The following ABLIM1 variants were observed in gnomAD, a reference collection of about 807,000 sequenced individuals.
ABLIM1 encodes the protein actin binding LIM protein 1.
Under a neutral mutation model 107.0 loss-of-function variants are expected in ABLIM1, and 40 were observed. That is an observed-to-expected ratio of 0.37 (90% CI 0.29 to 0.49). The LOEUF is 0.49. Ranked by LOEUF, ABLIM1 falls within the 20% of genes least tolerant of loss-of-function variation. The pLI is 0.97. For missense variants in ABLIM1, 857 were observed against 1,008.5 expected (o/e 0.85, Z 2.04); for synonymous variants, 357 against 357.3 (o/e 1.00, Z 0.01).
chr10:114,469,083 C>A (rs1201332386), intron 10 of ABLIM1, among the ~76,000 whole-genome samples: 2 of 146,894 alleles, frequency 1.4e-5, no homozygotes, highest in Non-Finnish European at 1.5e-5. Flanking sequence ...AGAACCATGA[C>A]TAGATATGAT....
chr10:114,497,598 C>T (rs968344399), intron 6 of ABLIM1, among the ~76,000 whole-genome samples: 1 of 145,456 alleles, frequency 6.9e-6, no homozygotes, highest in African/African-American at 2.5e-5. Context: ...AGGAGAATGG[C>T]GCGAACCCGG....
chr10:114,755,246 G>A (rs1233763173), intron 1 of ABLIM1, among the ~76,000 whole-genome samples: 1 of 152,150 alleles, frequency 6.6e-6, no homozygotes, highest in East Asian at 1.9e-4. Flanking sequence ...GGCTCCCTAT[G>A]AACATCTAAT....
At position 114,472,960 on chromosome 10, in the gene ABLIM1, C is replaced by G. The variant is rs375463555; in HGVS notation, c.1275+17G>C. 1 of 1,539,124 alleles carries G rather than the reference C, an allele frequency of 6.5e-7. No homozygotes were observed. Among genetic ancestry groups the G allele is most frequent in the African/African-American group, 1.4e-5 (1 of 72,296 alleles). ...GGTAAATTGTTGTACAACTCACAAC[C>G]AGTAGGAATGTATTACCTCTCCAAG... is the stretch of plus-strand genomic sequence containing the variant. On this transcript the variant is annotated intron_variant, in intron 10 of 22. Transcript: ENST00000533213.
chr10:114,439,851 G>C, intron 20 of ABLIM1: 1 of 618,470 alleles, frequency 1.6e-6, no homozygotes, highest in Admixed American at 3.0e-5. Context: ...CAAAGCAAGA[G>C]AGACCCCCTA....
intron 1 of ABLIM1, among the ~76,000 whole-genome samples, chr10:114,647,250 C>T (rs1339272697): frequency 6.6e-6 from 1 of 151,262 alleles, no homozygotes; most frequent in Non-Finnish European, 1.5e-5. Flanking sequence ...CCGCCTGCCT[C>T]GGCCTCCCAA....
At chr10:114,600,788 C>G (rs191363940) in intron 2 of ABLIM1, among the ~76,000 whole-genome samples, 1 of 152,106 alleles carries the variant, frequency 6.6e-6, no homozygotes, top group African/African-American at 2.4e-5. Flanking sequence ...TCTTGAGCTA[C>G]CCAGACATGC....
At position 114,625,646 on chromosome 10, in the gene ABLIM1, G is replaced by C. The variant is rs539863784; in HGVS notation, c.245-23685C>G. Reference sequence around the variant, plus strand: ...AGATCTTTGATAAATACATAAAAGGGGGGGGTACAGTATGTCTCACAAGGC... The same window carrying C: ...AGATCTTTGATAAATACATAAAAGGCGGGGGTACAGTATGTCTCACAAGGC... On this transcript the variant is annotated intron_variant, in intron 1 of 22. Transcript: ENST00000533213. Among the ~76,000 whole-genome samples the C allele has an allele frequency of 9.2e-5, 14 of 152,280 alleles. No homozygotes were observed. The Middle Eastern group carries it at 0.01, about 111-fold the overall frequency.
intron 1 of ABLIM1, among the ~76,000 whole-genome samples, chr10:114,614,173 C>T (rs1019625507): frequency 1.3e-5 from 2 of 152,034 alleles, no homozygotes; most frequent in Non-Finnish European, 2.9e-5. Flanking sequence ...GAAAGTAGGC[C>T]GGGTGCGGTG....
At chr10:114,704,273 T>TCTCTCG (rs1555225984) in intron 1 of ABLIM1, among the ~76,000 whole-genome samples, 2 of 22,008 alleles carry the variant, frequency 9.1e-5, no homozygotes, top group African/African-American at 2.4e-4. Flanking sequence ...TCTCTCTCGC[T>TCTCTCG]CTCTCTCTCT....
At chr10:114,683,713 C>T (rs907914494) in intron 1 of ABLIM1, among the ~76,000 whole-genome samples, 2 of 152,130 alleles carry the variant, frequency 1.3e-5, no homozygotes, top group African/African-American at 2.4e-5. Flanking sequence ...AGCAACCGAT[C>T]GCCACAGTCC....
At chr10:114,761,116 C>A (rs1363185324) in intron 1 of ABLIM1, among the ~76,000 whole-genome samples, 1 of 152,026 alleles carries the variant, frequency 6.6e-6, no homozygotes, top group East Asian at 1.9e-4. Context: ...ATGAAAGAAA[C>A]CGATAAAGCT....
At chr10:114,559,952 G>A (rs988311404) in intron 4 of ABLIM1, among the ~76,000 whole-genome samples, 4 of 152,170 alleles carry the variant, frequency 2.6e-5, no homozygotes, top group Non-Finnish European at 5.9e-5. Flanking sequence ...AAACAAGAGA[G>A]GAAGAAAGGC....
chr10:114,569,694 G>C (rs2071361306), intron 4 of ABLIM1, among the ~76,000 whole-genome samples: 1 of 152,158 alleles, frequency 6.6e-6, no homozygotes, highest in Non-Finnish European at 1.5e-5. Flanking sequence ...ATTCCCACTG[G>C]AGGTTACCTT....
chr10:114,604,025 C>T lies in ABLIM1; in HGVS notation c.245-2064G>A, dbSNP rs576381678. The stretch of plus-strand genomic sequence containing the variant: ...GTCCTTGTGTTTTTTAAGTTAATTC[C>T]TGCTTCTTATAAGAAAGAAGACAAG... On this transcript the variant is annotated intron_variant, in intron 1 of 22. Transcript: ENST00000533213. 4.0e-5 allele frequency among the ~76,000 whole-genome samples: 6 copies of T among 151,774 alleles called. No individual in the cohort carries two copies. In the East Asian group the frequency reaches 1.2e-3, roughly 29 times the overall value.
At position 114,432,522 on chromosome 10, in the gene ABLIM1, T is replaced by C. The variant is rs1589591959; in HGVS notation, c.*3738A>G. On this transcript the variant is annotated 3_prime_UTR_variant, in exon 23 of 23. Coordinates refer to ENST00000533213, the MANE Select transcript of ABLIM1 (RefSeq NM_002313.7). Reference sequence around the variant, plus strand: ...TGAACTTTTCAAACTTGCAAAAGCATATACATTTGATATCATCATCTGAGA... The same window carrying C: ...TGAACTTTTCAAACTTGCAAAAGCACATACATTTGATATCATCATCTGAGA... 6.6e-6 allele frequency: 1 copy of C among 152,376 alleles called. No homozygotes were observed. The highest frequency in any genetic ancestry group is 1.9e-4 in the East Asian group (1 of 5,190). 9.4% of individuals were successfully genotyped at this position (152,376 alleles called of 1,614,324 possible).
At chr10:114,709,590 A>G (rs2081501457) in intron 1 of ABLIM1, among the ~76,000 whole-genome samples, 1 of 152,240 alleles carries the variant, frequency 6.6e-6, no homozygotes, top group Admixed American at 6.5e-5. Flanking sequence ...TAAACCAGCT[A>G]CCAAAAATAA....
intron 1 of ABLIM1, among the ~76,000 whole-genome samples, chr10:114,720,208 C>T (rs1049788342): frequency 2.0e-5 from 3 of 152,160 alleles, no homozygotes; most frequent in African/African-American, 7.2e-5. Flanking sequence ...TGATCTCATT[C>T]CTTTTTATGG....
At chr10:114,575,059 AAC>A (rs199983311) in intron 3 of ABLIM1, among the ~76,000 whole-genome samples, 1 of 152,058 alleles carries the variant, frequency 6.6e-6, no homozygotes, top group Non-Finnish European at 1.5e-5. Flanking sequence ...GACCATTTTA[AAC>A]ACACACACAT....
chr10:114,605,003 C>T (rs2076310676), intron 1 of ABLIM1, among the ~76,000 whole-genome samples: 1 of 152,200 alleles, frequency 6.6e-6, no homozygotes, highest in South Asian at 2.1e-4. Context: ...ATACATTACA[C>T]CACAAAGTCC....
Sources: gnomAD v4.1 joint callset for allele counts (sites outside exome capture counted in the v4.1 genomes callset) on GRCh38, gnomAD v4.1.1 for gene constraint, MANE v1.5 for transcripts, NCBI Gene and HGNC (gene_info 2026-07-23, HGNC 2026-07-21) for gene names.